The following TBC1D12 variants were observed in gnomAD, a reference collection of about 807,000 sequenced individuals.
TBC1D12 encodes TBC1 domain family, member 12.
A neutral mutation model predicts 86.7 loss-of-function variants in TBC1D12; 56 were observed. The observed-to-expected ratio is 0.65, with a 90% CI of 0.52 to 0.81. The LOEUF is 0.81. Ranked by LOEUF, TBC1D12 falls within the 30% of genes least tolerant of loss-of-function variation. The pLI, the probability that TBC1D12 is intolerant of heterozygous loss-of-function variation, is 0.00. For synonymous variants in TBC1D12, 421 were observed against 411.7 expected (o/e 1.02, Z -0.27); for missense variants, 1,023 against 1,038.8 (o/e 0.98, Z 0.21).
At chr10:94,510,829 T>A (rs1013072923) in intron 8 of TBC1D12, among the ~76,000 whole-genome samples, 1 of 152,144 alleles carries the variant, frequency 6.6e-6, no homozygotes, top group Non-Finnish European at 1.5e-5. Context: ...TCTTTATACA[T>A]GGAATTCTTC....
chr10:94,459,526 C>T (rs889056650), intron 2 of TBC1D12, among the ~76,000 whole-genome samples: 1 of 152,266 alleles, frequency 6.6e-6, no homozygotes, highest in Non-Finnish European at 1.5e-5. Flanking sequence ...TAGATGGGAC[C>T]TTGCGCCATG....
intron 2 of TBC1D12, among the ~76,000 whole-genome samples, chr10:94,471,278 C>CA (rs556285067): frequency 0.041 from 2,718 of 65,594 alleles, 91 homozygotes; most frequent in African/African-American, 0.13. Context: ...TCTGTATCTC[C>CA]AAAAAAAAAA....
At chr10:94,465,668 A>ATGTGTGTGTG (rs1488661977) in intron 2 of TBC1D12, among the ~76,000 whole-genome samples, 2 of 83,622 alleles carry the variant, frequency 2.4e-5, no homozygotes, top group Non-Finnish European at 5.6e-5. Context: ...ATATATATAT[A>ATGTGTGTGTG]TATGTGTGTG....
chr10:94,466,115 G>A (rs938749670), intron 2 of TBC1D12, among the ~76,000 whole-genome samples: 20 of 151,800 alleles, frequency 1.3e-4, no homozygotes, highest in Non-Finnish European at 2.5e-4. Context: ...CTTATAAATA[G>A]CATATAGTTG....
intron 3 of TBC1D12, among the ~76,000 whole-genome samples, chr10:94,481,282 CA>C (rs2056074788): frequency 6.6e-6 from 1 of 151,354 alleles, no homozygotes; most frequent in African/African-American, 2.4e-5. Flanking sequence ...TTGAAGCAGG[CA>C]TTGACTTCTG....
intron 2 of TBC1D12, among the ~76,000 whole-genome samples, chr10:94,458,996 G>A (rs577546684): frequency 4.5e-4 from 68 of 152,250 alleles, no homozygotes; most frequent in Non-Finnish European, 7.6e-4. Flanking sequence ...GCGGGTTGGC[G>A]TTGTTGGCTC....
intron 8 of TBC1D12, among the ~76,000 whole-genome samples, chr10:94,510,477 C>T (rs2056513384): frequency 1.3e-5 from 2 of 151,904 alleles, no homozygotes; most frequent in African/African-American, 4.8e-5. Flanking sequence ...TATATGAATT[C>T]TTAATATTTT....
chr10:94,517,951 G>T (rs1039255175), intron 9 of TBC1D12, among the ~76,000 whole-genome samples: 1 of 152,084 alleles, frequency 6.6e-6, no homozygotes, highest in African/African-American at 2.4e-5. Context: ...TCAGTAGTTC[G>T]AGACCAGCCT....
chr10:94,418,565 T>TATG (rs1476127703), intron 1 of TBC1D12, among the ~76,000 whole-genome samples: 44 of 151,504 alleles, frequency 2.9e-4, no homozygotes, highest in Admixed American at 1.8e-3. Context: ...CTATTATTAT[T>TATG]ATTATTATTA....
intron 2 of TBC1D12, among the ~76,000 whole-genome samples, chr10:94,453,614 T>C (rs2055584393): frequency 6.6e-6 from 1 of 152,182 alleles, no homozygotes; most frequent in South Asian, 2.1e-4. Flanking sequence ...TTCCCAAGGA[T>C]AAGGGGGGAC....
At chr10:94,406,424 G>A (rs1324815484) in intron 1 of TBC1D12, among the ~76,000 whole-genome samples, 3 of 152,096 alleles carry the variant, frequency 2.0e-5, no homozygotes, top group Non-Finnish European at 4.4e-5. Flanking sequence ...GACATTCTTG[G>A]GAAAGAAAGG....
intron 1 of TBC1D12, among the ~76,000 whole-genome samples, chr10:94,415,783 C>T (rs560113772): frequency 6.6e-6 from 1 of 152,220 alleles, no homozygotes; most frequent in African/African-American, 2.4e-5. Flanking sequence ...AGGTAATTAT[C>T]ATATAAGGTA....
chr10:94,424,557 CAT>C (rs2055122473), intron 1 of TBC1D12, among the ~76,000 whole-genome samples: 1 of 152,164 alleles, frequency 6.6e-6, no homozygotes, highest in African/African-American at 2.4e-5. Context: ...GTGATGGAAA[CAT>C]AAATTGAAAC....
intron 2 of TBC1D12, among the ~76,000 whole-genome samples, chr10:94,457,294 C>G (rs974456220): frequency 1.9e-4 from 29 of 152,186 alleles, no homozygotes; most frequent in Admixed American, 2.0e-4. Context: ...GTGTGTTGTT[C>G]TTCTCCCTGT....
In TBC1D12 at chr10:94,402,685, C is replaced by A; in HGVS notation, c.72C>A (p.Asp24Glu). The change falls in exon 1 of 13, where the codon GAC (aspartate) becomes GAA (glutamate). Residue 24 changes from aspartate to glutamate, a missense_variant. This residue lies in a region of TBC1D12 where 628 missense variants were observed against 531.1 expected (regional missense o/e 1.18). Coordinates refer to ENST00000225235, the MANE Select transcript of TBC1D12 (RefSeq NM_015188.2). ...NPKLLPVPAP[D>E]PVGQDRKVIR... is the part of the protein sequence containing the mutation. Reference sequence around the variant, plus strand: ...AGTTGCTCCCGGTGCCTGCGCCGGACCCCGTGGGCCAGGACAGGAAGGTAA... The same window carrying A: ...AGTTGCTCCCGGTGCCTGCGCCGGAACCCGTGGGCCAGGACAGGAAGGTAA... 1 of 1,604,456 alleles carries A rather than the reference C, an allele frequency of 6.2e-7. No individual in the cohort carries two copies. Among genetic ancestry groups the A allele is most frequent in the Non-Finnish European group, 8.5e-7 (1 of 1,176,138 alleles).
At chr10:94,490,113 T>C (rs1234574197) in intron 3 of TBC1D12, among the ~76,000 whole-genome samples, 1 of 152,116 alleles carries the variant, frequency 6.6e-6, no homozygotes, top group Admixed American at 6.5e-5. Context: ...TAGCCAGGCA[T>C]GATGGCAGGC....
chr10:94,478,496 G>T (rs2134152437), intron 3 of TBC1D12, among the ~76,000 whole-genome samples: 1 of 152,204 alleles, frequency 6.6e-6, no homozygotes, highest in South Asian at 2.1e-4. Context: ...AGACCATGAG[G>T]TCAAAAGATT....
intron 9 of TBC1D12, among the ~76,000 whole-genome samples, chr10:94,521,341 A>G: frequency 6.6e-6 from 1 of 152,098 alleles, no homozygotes; most frequent in East Asian, 1.9e-4. Context: ...CTTTCACAAC[A>G]TAAACACATC....
rs545246122 is a variant in TBC1D12 at position 94,533,723 on chromosome 10, G to A, written c.*627G>A. 24 of 152,202 alleles carry A rather than the reference G, an allele frequency of 1.6e-4. No individual in the cohort carries two copies. Among genetic ancestry groups the A allele is most frequent in the African/African-American group, 5.5e-4 (23 of 41,552 alleles). 9.4% of individuals were successfully genotyped at this position (152,202 alleles called of 1,614,324 possible). ...TATGGTGTCCATTTGTTTTTTAAGGGAAATTTTTTGTCTTCCTTAAGGAAT... is the reference window on the plus strand; with the variant it reads ...TATGGTGTCCATTTGTTTTTTAAGGAAAATTTTTTGTCTTCCTTAAGGAAT... On this transcript the variant is annotated 3_prime_UTR_variant, in exon 13 of 13. Transcript: ENST00000225235.
Sources: gnomAD v4.1 joint callset for allele counts (sites outside exome capture counted in the v4.1 genomes callset) on GRCh38, gnomAD v4.1.1 for gene constraint, gnomAD v4.1.1 regional missense constraint, MANE v1.5 for transcripts, NCBI Gene and HGNC (gene_info 2026-07-23, HGNC 2026-07-21) for gene names.